CD47: variants seen among roughly 807,000 people sequenced by gnomAD.
The protein encoded by CD47 is leukocyte surface antigen CD47.
CD47 carries 11 observed loss-of-function variants against 44.6 expected under a neutral mutation model. The observed-to-expected ratio is 0.25, with a 90% CI of 0.16 to 0.41. The LOEUF (loss-of-function observed/expected upper bound fraction) is 0.41, where lower values mean the gene tolerates loss of function less well. Among genes scored for constraint, CD47 ranks in the 10% least tolerant of loss-of-function variants. CD47 has a pLI of 1.00. For synonymous variants in CD47, 140 were observed against 136.3 expected, an observed-to-expected ratio of 1.03 and a Z score of -0.19; for missense variants, 306 against 386.7, an observed-to-expected ratio of 0.79 and a Z score of 1.75.
chr3:108,068,283 T>A (rs115414784), intron 3 of CD47, among the ~76,000 whole-genome samples: 243 of 152,304 alleles, frequency 1.6e-3, no homozygotes, highest in Non-Finnish European at 2.9e-3. Context: ...ATCTCAAAGA[T>A]GTGACAAGGC....
chr3:108,049,094 ATCTCTC>A (rs55708779), intron 10 of CD47, among the ~76,000 whole-genome samples: 6,937 of 129,210 alleles, frequency 0.054, 327 homozygotes, highest in African/African-American at 0.066. Context: ...AGGACGAAAC[ATCTCTC>A]TCTCTCTCTC....
At chr3:108,075,832 G>C (rs1170901279) in intron 2 of CD47, among the ~76,000 whole-genome samples, 1 of 152,182 alleles carries the variant, frequency 6.6e-6, no homozygotes, top group African/African-American at 2.4e-5. Context: ...AAAAGGGTCT[G>C]GGTTCTTCCT....
At position 108,076,803 on chromosome 3, in the gene CD47, CATGGTAGGCACT is replaced by C. The variant is rs1191832598; in HGVS notation, c.400+3176_400+3187del. ...GTGATGCCTAGTACGGTGACTGGCA[CATGGTAGGCACT>C]TAGTAAAATTTTGTTAAGTAAGAGA... On this transcript the variant is annotated intron_variant, in intron 2 of 10. Transcript: ENST00000361309. Among the ~76,000 whole-genome samples, 3 of 152,284 alleles carry C rather than the reference CATGGTAGGCACT, an allele frequency of 2.0e-5. No individual in the cohort carries two copies. In the East Asian group the frequency reaches 5.8e-4, roughly 29 times the overall value.
intron 3 of CD47, among the ~76,000 whole-genome samples, chr3:108,066,991 C>T (rs1450740112): frequency 2.0e-5 from 3 of 152,138 alleles, no homozygotes; most frequent in East Asian, 1.9e-4. Flanking sequence ...CGGTAGAAAC[C>T]GATCCAAACT....
intron 3 of CD47, among the ~76,000 whole-genome samples, chr3:108,063,663 A>G (rs1245248311): frequency 6.6e-6 from 1 of 152,342 alleles, no homozygotes; most frequent in Admixed American, 6.5e-5. Flanking sequence ...AATTCAAGTA[A>G]TTCTCCACTT....
intron 1 of CD47, among the ~76,000 whole-genome samples, chr3:108,088,811 A>C (rs925681802): frequency 2.6e-5 from 4 of 152,228 alleles, no homozygotes; most frequent in African/African-American, 9.7e-5. Flanking sequence ...ATAGTAATTC[A>C]TTTCACATCT....
intron 2 of CD47, among the ~76,000 whole-genome samples, chr3:108,074,358 G>T (rs1416126677): frequency 1.3e-5 from 2 of 151,792 alleles, no homozygotes; most frequent in Non-Finnish European, 2.9e-5. Context: ...CTGTTGCCCA[G>T]GCTGGAGTGC....
At position 108,049,657 on chromosome 3, in the gene CD47, A is replaced by G. The variant is rs553764673; in HGVS notation, c.935-6T>C. ...TCCTTTTGATTCTTTGAATGCTAGG[A>G]TTAGTAACAAGCCAAGCAGGCAGTT... is the stretch of plus-strand genomic sequence containing the variant. On this transcript the variant is annotated splice_polypyrimidine_tract_variant and splice_region_variant and intron_variant, in intron 9 of 10. Transcript: ENST00000361309. 8.1e-6 allele frequency: 13 copies of G among 1,600,458 alleles called. No individual in the cohort carries two copies. In the South Asian group the frequency reaches 1.3e-4, roughly 16 times the overall value.
intron 1 of CD47, 25 bp downstream of exon 1, chr3:108,090,838 G>A (rs1329640404): frequency 6.7e-7 from 1 of 1,481,686 alleles, no homozygotes; most frequent in Non-Finnish European, 8.9e-7. Flanking sequence ...AGCAGCCGCA[G>A]GGCTGGGAGC....
Position 108,059,458 on chromosome 3 carries a change from T to A in CD47, c.685A>T (p.Ser229Cys). 6.9e-7 allele frequency: 1 copy of A among 1,453,456 alleles called. No homozygotes were observed. Among genetic ancestry groups the A allele is most frequent in the Non-Finnish European group, 9.3e-7 (1 of 1,073,036 alleles). The allele number at this position is 1,453,456 out of a possible 1,614,324, so 90.0% of individuals were successfully genotyped here. ...ILILLHYYVF[S>C]TAIGLTSFVI... ...TGTAACAATGAAAACTCACCTGTACTAAACACATAGTAGTGAAGTAATATT... is the reference window on the plus strand; with the variant it reads ...TGTAACAATGAAAACTCACCTGTACAAAACACATAGTAGTGAAGTAATATT... The change falls in exon 5 of 11, where the codon AGT becomes TGT. Residue 229 changes from serine to cysteine, a missense_variant. Physicochemically the swap from Ser to Cys is moderately radical, Grantham distance 112. Around this residue, in one of 5 missense-constraint regions of CD47, gnomAD observed 131 missense variants for 135.3 expected, o/e 0.97. Coordinates refer to ENST00000361309, the MANE Select transcript of CD47 (RefSeq NM_001777.4).
chr3:108,073,071 C>A (rs1332371225), intron 2 of CD47, among the ~76,000 whole-genome samples: 2 of 150,274 alleles, frequency 1.3e-5, no homozygotes, highest in Non-Finnish European at 3.0e-5. Context: ...TTGCTTGAGG[C>A]TGAAAACCTT....
At chr3:108,058,287 G>T in intron 6 of CD47, 50 bp downstream of exon 6, 2 of 989,942 alleles carry the variant, frequency 2.0e-6, no homozygotes, top group Non-Finnish European at 2.9e-6. Context: ...AGGAAGAAGA[G>T]CTCTGTCCAA....
rs1357399601 is a variant in CD47, at chr3:108,046,659, G to A, written c.*629C>T. ...ACCTGTTACACTGTTTGTTGAAGGG[G>A]GAATGTGGGAATGGCAACCCCCAAG... is the stretch of plus-strand genomic sequence containing the variant. On this transcript the variant is annotated 3_prime_UTR_variant, in exon 11 of 11. Transcript: ENST00000361309. 6.6e-6 allele frequency: 1 copy of A among 152,278 alleles called. No homozygotes were observed. The highest frequency in any genetic ancestry group is 1.5e-5 in the Non-Finnish European group (1 of 68,046). The allele number at this position is 152,278 out of a possible 1,614,324, so 9.4% of individuals were successfully genotyped here. A position where few individuals can be genotyped will look rare whatever the true frequency, so the allele number is the denominator to read the frequency against.
rs965511417 is a variant in CD47 at position 108,058,334 on chromosome 3, T to C, written c.784+3A>G. 6 of 1,537,822 alleles carry C rather than the reference T, an allele frequency of 3.9e-6. No individual in the cohort carries two copies. The African/African-American group carries it at 4.1e-5, about 11-fold the overall frequency. ...ATTAGGTCTACAGAAAGATGACTCTTACCCGCAATACAGAGACTCAGTCCA... is the reference window on the plus strand; with the variant it reads ...ATTAGGTCTACAGAAAGATGACTCTCACCCGCAATACAGAGACTCAGTCCA... On this transcript the variant is annotated splice_donor_region_variant and intron_variant, in intron 6 of 10. Coordinates refer to ENST00000361309, the MANE Select transcript of CD47 (RefSeq NM_001777.4).
intron 9 of CD47, among the ~76,000 whole-genome samples, chr3:108,050,010 G>GC (rs2078798444): frequency 6.6e-6 from 1 of 152,128 alleles, no homozygotes; most frequent in Non-Finnish European, 1.5e-5. Flanking sequence ...GTAGCAAAAG[G>GC]CAACGATCCC....
chr3:108,074,349 T>C lies in CD47; in HGVS notation c.401-3167A>G, dbSNP rs142188497. 7.0e-3 allele frequency among the ~76,000 whole-genome samples: 1,064 copies of C among 152,186 alleles called. 12 individuals are homozygous for C. Among genetic ancestry groups the C allele is most frequent in the African/African-American group, 0.025 (1,019 of 41,506 alleles). ...TTATTTTTGAGATGGAGTCTCACTC[T>C]GTTGCCCAGGCTGGAGTGCAGTGGT... On this transcript the variant is annotated intron_variant, in intron 2 of 10. Transcript: ENST00000361309.
rs771043606 is a variant in CD47, at chr3:108,044,691, G to T, written c.*2597C>A. Reference sequence around the variant, plus strand: ...AGCAGAGATGCATAAAGTACTATAGGAATGGTAAGTTAAGAGACAAAAGAG... The same window carrying T: ...AGCAGAGATGCATAAAGTACTATAGTAATGGTAAGTTAAGAGACAAAAGAG... On this transcript the variant is annotated 3_prime_UTR_variant, in exon 11 of 11. Coordinates refer to ENST00000361309, the MANE Select transcript of CD47 (RefSeq NM_001777.4). 1 of 152,142 alleles carries T rather than the reference G, an allele frequency of 6.6e-6. No individual in the cohort carries two copies. Among genetic ancestry groups the T allele is most frequent in the Non-Finnish European group, 1.5e-5 (1 of 68,020 alleles). 9.4% of individuals were successfully genotyped at this position (152,142 alleles called of 1,614,324 possible). A position where few individuals can be genotyped will look rare whatever the true frequency, so the allele number is the denominator to read the frequency against.
chr3:108,072,617 GA>G (rs1430607665), intron 2 of CD47, among the ~76,000 whole-genome samples: 1 of 151,998 alleles, frequency 6.6e-6, no homozygotes, highest in African/African-American at 2.4e-5. Flanking sequence ...GATGTTTTTG[GA>G]TACTCCAAAT....
intron 7 of CD47, among the ~76,000 whole-genome samples, chr3:108,057,273 A>G (rs1016767908): frequency 5.9e-5 from 9 of 152,120 alleles, no homozygotes; most frequent in Non-Finnish European, 2.9e-5. Context: ...AATCATTCCA[A>G]TTGTATTTTC....
Sources: gnomAD v4.1 joint callset for allele counts (sites outside exome capture counted in the v4.1 genomes callset) on GRCh38, gnomAD v4.1.1 for gene constraint, gnomAD v4.1.1 regional missense constraint, MANE v1.5 for transcripts, NCBI Gene and HGNC (gene_info 2026-07-23, HGNC 2026-07-21) for gene names.